The following NCAPD3 variants were observed in gnomAD, a reference collection of about 807,000 sequenced individuals.
NCAPD3 encodes condensin-2 complex subunit D3.
Under a neutral mutation model 182.9 loss-of-function variants are expected in NCAPD3, and 105 were observed. The observed-to-expected ratio is 0.57, with a 90% confidence interval of 0.49 to 0.68. The LOEUF (loss-of-function observed/expected upper bound fraction) is 0.68. NCAPD3 is among the 30% of genes least tolerant of loss of function. The probability of loss-of-function intolerance (pLI) is 0.00; values close to 1 mark genes in which losing one functional copy is unlikely to be tolerated. For missense variants in NCAPD3, 1,944 were observed against 1,837.0 expected, an observed-to-expected ratio of 1.06 and a Z score of -1.07; for synonymous variants, 815 against 679.9, an observed-to-expected ratio of 1.20 and a Z score of -3.09.
intron 24 of NCAPD3, among the ~76,000 whole-genome samples, chr11:134,174,145 C>T (rs1944096609): frequency 6.6e-6 from 1 of 151,980 alleles, no homozygotes; most frequent in Non-Finnish European, 1.5e-5. Context: ...AATTCCCACA[C>T]TTTGGAAGGC....
At chr11:134,170,780 G>A (rs1239894503) in intron 24 of NCAPD3, among the ~76,000 whole-genome samples, 1 of 152,236 alleles carries the variant, frequency 6.6e-6, no homozygotes, top group African/African-American at 2.4e-5. Flanking sequence ...ACCATGCCAG[G>A]ATTCACACGC....
intron 27 of NCAPD3, among the ~76,000 whole-genome samples, chr11:134,166,710 G>A (rs1591828169): frequency 7.8e-6 from 1 of 128,514 alleles, no homozygotes; most frequent in African/African-American, 3.1e-5. Flanking sequence ...GATGAGCTTA[G>A]GGAGAGCAGC....
At chr11:134,160,763 G>A (rs762186049) in intron 28 of NCAPD3, among the ~76,000 whole-genome samples, 21 of 152,140 alleles carry the variant, frequency 1.4e-4, no homozygotes, top group South Asian at 2.1e-4. Context: ...TCAACAAAGA[G>A]AAGGAATCCA....
chr11:134,175,274 G>A (rs1944134035), intron 24 of NCAPD3, among the ~76,000 whole-genome samples: 1 of 152,168 alleles, frequency 6.6e-6, no homozygotes, highest in Non-Finnish European at 1.5e-5. Context: ...TTCCCAGCCT[G>A]TCTGATTACA....
At chr11:134,153,113 C>T (rs1297094380) in intron 34 of NCAPD3, 27 bp downstream of exon 34, 2 of 1,613,234 alleles carry the variant, frequency 1.2e-6, no homozygotes, top group African/African-American at 1.3e-5. Context: ...GAAACATCCA[C>T]CTCAAAAGGA....
At chr11:134,156,947 G>C (rs1232964850) in intron 32 of NCAPD3, 71 bp downstream of exon 32, 4 of 1,352,896 alleles carry the variant, frequency 3.0e-6, no homozygotes, top group East Asian at 4.6e-5. Flanking sequence ...GTTTTACTGC[G>C]ACTCTAGCAA....
chr11:134,220,804 T>C, intron 1 of NCAPD3, 78 bp from the exon 2 acceptor site: 1 of 1,404,688 alleles, frequency 7.1e-7, no homozygotes, highest in Non-Finnish European at 9.7e-7. Context: ...TCCAGGTGTG[T>C]TCAAGAGGAG....
At chr11:134,168,225 G>A (rs1440081483) in intron 26 of NCAPD3, 30 bp from the exon 27 acceptor site, 2 of 1,597,416 alleles carry the variant, frequency 1.3e-6, no homozygotes, top group Admixed American at 1.7e-5. Context: ...AAAAACGTGA[G>A]CTTCTGAGAA....
intron 27 of NCAPD3, among the ~76,000 whole-genome samples, chr11:134,167,488 G>A (rs551585900): frequency 6.9e-6 from 1 of 144,544 alleles, no homozygotes; most frequent in Admixed American, 6.9e-5. Flanking sequence ...GATGAGCTTG[G>A]GGGAGGCGCA....
At chr11:134,155,225 G>T (rs567696914) in intron 32 of NCAPD3, among the ~76,000 whole-genome samples, 12 of 152,238 alleles carry the variant, frequency 7.9e-5, no homozygotes, top group African/African-American at 2.4e-4. Context: ...CTGTGAATTG[G>T]TGCTGAACTG....
intron 24 of NCAPD3, among the ~76,000 whole-genome samples, chr11:134,171,729 C>A (rs1444070013): frequency 6.6e-6 from 1 of 152,182 alleles, no homozygotes; most frequent in African/African-American, 2.4e-5. Flanking sequence ...ACTCTGCACT[C>A]CAGGTTCCAC....
intron 24 of NCAPD3, among the ~76,000 whole-genome samples, chr11:134,172,362 G>A (rs1944027606): frequency 6.6e-6 from 1 of 152,188 alleles, no homozygotes; most frequent in Non-Finnish European, 1.5e-5. Context: ...TTGCCACACT[G>A]GAGATCAACT....
chr11:134,218,440 T>G (rs1443141371), intron 2 of NCAPD3, among the ~76,000 whole-genome samples: 1 of 152,140 alleles, frequency 6.6e-6, no homozygotes, highest in Non-Finnish European at 1.5e-5. Flanking sequence ...AGAACTCTCT[T>G]CTCTCTCCTG....
chr11:134,170,242 ACT>A (rs1295211253), intron 24 of NCAPD3, among the ~76,000 whole-genome samples: 2 of 152,088 alleles, frequency 1.3e-5, no homozygotes, highest in Non-Finnish European at 2.9e-5. Context: ...AATAAATAAA[ACT>A]CTATTCAATA....
At chr11:134,196,831 G>C (rs754928317) in intron 13 of NCAPD3, among the ~76,000 whole-genome samples, 1 of 152,096 alleles carries the variant, frequency 6.6e-6, no homozygotes, top group East Asian at 1.9e-4. Flanking sequence ...AAATAGAAAA[G>C]AATACACTTT....
rs1380519528 is a variant in NCAPD3 at position 134,177,576 on chromosome 11, C to T, written c.2783-119G>A. ...TTTCATCAAAGTTAAAACATCATGC[C>T]CACAATCACAAACAACAAAAAACTA... On this transcript the variant is annotated intron_variant, in intron 22 of 34. Transcript: ENST00000534548. The T allele has an allele frequency of 1.9e-5, 16 of 848,428 alleles. No homozygotes were observed. In the East Asian group the frequency reaches 4.1e-4, roughly 22 times the overall value. 52.6% of individuals were successfully genotyped at this position (848,428 alleles called of 1,614,324 possible). A position where few individuals can be genotyped will look rare whatever the true frequency, so the allele number is the denominator to read the frequency against.
chr11:134,178,649 C>G lies in NCAPD3; in HGVS notation c.2767G>C (p.Ala923Pro). The change falls in exon 22 of 35, where the codon GCC (alanine) becomes CCC (proline). Residue 923 changes from alanine to proline, a missense_variant. This residue lies in a region of NCAPD3 where 1,803 missense variants were observed against 1,674.6 expected (regional missense o/e 1.08). Transcript: ENST00000534548. ...TTTTTCTTACCTAAGGTAATGATGG[C>G]ATGTGCTCTAATCACAGAGGGCATG... ...SVMPSVIRAHAIITLGKLCLQ... is the reference protein window; with the variant it reads ...SVMPSVIRAHPIITLGKLCLQ... The G allele has an allele frequency of 6.4e-7, 1 of 1,562,610 alleles. No homozygotes were observed. The highest frequency in any genetic ancestry group is 8.7e-7 in the Non-Finnish European group (1 of 1,152,814).
chr11:134,192,042 T>C (rs1378185180), intron 16 of NCAPD3, among the ~76,000 whole-genome samples: 1 of 152,192 alleles, frequency 6.6e-6, no homozygotes, highest in East Asian at 1.9e-4. Context: ...ATTTTTGGAT[T>C]ACGGATGCTC....
At position 134,184,746 on chromosome 11, in the gene NCAPD3, A is replaced by G. The variant is rs761699157; in HGVS notation, c.2342T>C (p.Val781Ala). 4 of 1,613,208 alleles carry G rather than the reference A, an allele frequency of 2.5e-6. No individual in the cohort carries two copies. The highest frequency in any genetic ancestry group is 3.4e-6 in the Non-Finnish European group (4 of 1,179,570). Residue 781 changes from valine to alanine, a missense_variant, in exon 19 of 35, where the codon GTC becomes GCC. Val to Ala is a moderately conservative substitution (Grantham distance 64, BLOSUM62 0). Coordinates refer to ENST00000534548, the MANE Select transcript of NCAPD3 (RefSeq NM_015261.3). ...CTGAAATCCATTCAGCTTACACTTG[A>G]CAGCATCTATGAAGGAAGTCAAAAC... Reference protein sequence around the residue: ...KSTRDKVTDAVKCKLNGFQWS... With the variant: ...KSTRDKVTDAAKCKLNGFQWS...
Sources: allele counts gnomAD v4.1 joint callset (sites outside exome capture counted in the v4.1 genomes callset), GRCh38; gene constraint gnomAD v4.1.1; regional missense constraint gnomAD v4.1.1; transcripts MANE v1.5; gene names NCBI Gene and HGNC (gene_info 2026-07-23, HGNC 2026-07-21).